The following SLC24A2 variants were observed in gnomAD, a reference collection of about 807,000 sequenced individuals.
SLC24A2 encodes the protein solute carrier family 24 member 2.
In SLC24A2, 36 loss-of-function variants were observed where a neutral mutation model predicts 62.0. The ratio of observed to expected loss-of-function variants is 0.58; its 90% CI spans 0.44 to 0.77. SLC24A2 has a LOEUF of 0.77. Ranked by LOEUF, SLC24A2 falls within the 30% of genes least tolerant of loss-of-function variation. The pLI, the probability that SLC24A2 is intolerant of heterozygous loss-of-function variation, is 0.00. For missense variants in SLC24A2, 846 were observed against 817.9 expected (o/e 1.03, Z -0.42); for synonymous variants, 358 against 294.0 (o/e 1.22, Z -2.23).
chr9:19,627,136 G>C (rs1408975742), intron 2 of SLC24A2, among the ~76,000 whole-genome samples: 2 of 152,194 alleles, frequency 1.3e-5, no homozygotes, highest in African/African-American at 4.8e-5. Flanking sequence ...GAACAATGAA[G>C]TGCTGAAGAT....
chr9:19,515,120 T>G lies in SLC24A2; in HGVS notation c.*1033A>C, dbSNP rs758645594. 3.9e-5 allele frequency: 6 copies of G among 152,140 alleles called. No individual in the cohort carries two copies. The highest frequency in any genetic ancestry group is 1.4e-4 in the African/African-American group (6 of 41,426). The allele number at this position is 152,140 out of a possible 1,614,324, so 9.4% of individuals were successfully genotyped here. A position where few individuals can be genotyped will look rare whatever the true frequency, so the allele number is the denominator to read the frequency against. The stretch of plus-strand genomic sequence containing the variant: ...TCACAGCTAAACTTACCCCTCTTCT[T>G]TTGATGATAATGGGACATGCGCTGG... On this transcript the variant is annotated 3_prime_UTR_variant, in exon 11 of 11. Coordinates refer to ENST00000341998, the MANE Select transcript of SLC24A2 (RefSeq NM_020344.4).
chr9:20,098,770 C>T, the SLC24A2 span, among the ~76,000 whole-genome samples: 15 of 152,230 alleles, frequency 9.9e-5, no homozygotes, highest in South Asian at 1.2e-3. Context: ...AAACACAGGA[C>T]GAAGGGAAAG....
intron 6 of SLC24A2, among the ~76,000 whole-genome samples, chr9:19,575,621 T>C (rs575953084): frequency 1.3e-5 from 2 of 152,368 alleles, no homozygotes; most frequent in East Asian, 3.9e-4. Flanking sequence ...TAACATTTTC[T>C]AGTTCAAAGT....
chr9:19,773,021 G>A (rs1243355619), intron 2 of SLC24A2, among the ~76,000 whole-genome samples: 3 of 152,082 alleles, frequency 2.0e-5, no homozygotes, highest in East Asian at 3.8e-4. Flanking sequence ...CAACATGGAC[G>A]AACCTTAAAA....
At chr9:19,980,471 C>G in the SLC24A2 span, among the ~76,000 whole-genome samples, 2 of 152,126 alleles carry the variant, frequency 1.3e-5, no homozygotes, top group African/African-American at 2.4e-5. Context: ...AGAGTTAGAG[C>G]AAGTGAGAAT....
At chr9:20,186,510 T>C in the SLC24A2 span, among the ~76,000 whole-genome samples, 3 of 152,154 alleles carry the variant, frequency 2.0e-5, no homozygotes, top group East Asian at 3.9e-4. Flanking sequence ...CTCCAACACA[T>C]TGAACTCATC....
At chr9:20,068,208 G>A in the SLC24A2 span, among the ~76,000 whole-genome samples, 12 of 151,628 alleles carry the variant, frequency 7.9e-5, no homozygotes, top group Admixed American at 3.3e-4. Flanking sequence ...GATTACAGGC[G>A]CCCAACACCA....
At chr9:19,525,138 C>A (rs992134445) in intron 9 of SLC24A2, among the ~76,000 whole-genome samples, 1 of 152,016 alleles carries the variant, frequency 6.6e-6, no homozygotes, top group Non-Finnish European at 1.5e-5. Context: ...AGAGAACTTG[C>A]TCAGGAAGCC....
At chr9:20,071,431 A>G in the SLC24A2 span, among the ~76,000 whole-genome samples, 1 of 152,140 alleles carries the variant, frequency 6.6e-6, no homozygotes, top group Non-Finnish European at 1.5e-5. Context: ...ACAACAGTGC[A>G]ATGGTGAGAC....
the SLC24A2 span, among the ~76,000 whole-genome samples, chr9:20,095,706 G>A: frequency 1.3e-5 from 2 of 151,856 alleles, no homozygotes; most frequent in East Asian, 3.9e-4. Context: ...TATGGTATCT[G>A]TATTAGTTCG....
At chr9:19,554,806 A>C (rs1241772176) in intron 7 of SLC24A2, among the ~76,000 whole-genome samples, 2 of 152,130 alleles carry the variant, frequency 1.3e-5, no homozygotes, top group African/African-American at 4.8e-5. Context: ...TGAGGCTCTG[A>C]GTTTCTGACA....
Position 19,508,323 on chromosome 9 carries a change from T to A in SLC24A2, c.*7830A>T, listed in dbSNP as rs1040725285. The A allele has an allele frequency of 1.3e-5, 2 of 152,208 alleles. No homozygotes were observed. The highest frequency in any genetic ancestry group is 4.8e-5 in the African/African-American group (2 of 41,450). The allele number at this position is 152,208 out of a possible 1,614,324, so 9.4% of individuals were successfully genotyped here. ...CACAAAACAGCCTCTAACAGAGGAA[T>A]ATCACTGGCCCTTGGTTCAGATACC... On this transcript the variant is annotated 3_prime_UTR_variant, in exon 11 of 11. Transcript: ENST00000341998.
chr9:19,897,450 A>T, the SLC24A2 span, among the ~76,000 whole-genome samples: 1 of 152,198 alleles, frequency 6.6e-6, no homozygotes, highest in Non-Finnish European at 1.5e-5. Flanking sequence ...AATTTGAGGA[A>T]GCAAACCCAG....
intron 2 of SLC24A2, among the ~76,000 whole-genome samples, chr9:19,653,387 G>A (rs1012173871): frequency 6.6e-6 from 1 of 152,108 alleles, no homozygotes; most frequent in Non-Finnish European, 1.5e-5. Flanking sequence ...TCACATATGT[G>A]TCTTCTTTGG....
intron 5 of SLC24A2, among the ~76,000 whole-genome samples, chr9:19,587,311 T>C (rs1357014622): frequency 6.6e-6 from 1 of 152,214 alleles, no homozygotes; most frequent in Non-Finnish European, 1.5e-5. Context: ...AAGTGGAAGA[T>C]TTTATATTTG....
chr9:19,566,181 C>T (rs1835641495), intron 7 of SLC24A2, among the ~76,000 whole-genome samples: 1 of 150,942 alleles, frequency 6.6e-6, no homozygotes, highest in South Asian at 2.1e-4. Context: ...AACAGGCAAC[C>T]TACAGAATGG....
At chr9:19,740,191 T>C (rs1821631389) in intron 2 of SLC24A2, among the ~76,000 whole-genome samples, 1 of 152,150 alleles carries the variant, frequency 6.6e-6, no homozygotes, top group African/African-American at 2.4e-5. Context: ...AAGTTGAATA[T>C]ATACGTATCC....
chr9:20,034,544 C>A, the SLC24A2 span, among the ~76,000 whole-genome samples: 4 of 142,502 alleles, frequency 2.8e-5, no homozygotes, highest in South Asian at 9.3e-4. Context: ...ACTGCAAGCT[C>A]TGCACCCCCC....
the SLC24A2 span, among the ~76,000 whole-genome samples, chr9:20,237,564 C>T: frequency 2.0e-5 from 3 of 152,206 alleles, no homozygotes; most frequent in Non-Finnish European, 4.4e-5. Flanking sequence ...GTTAGAGAAG[C>T]CCTGAGCACA....
Sources: allele counts gnomAD v4.1 joint callset (sites outside exome capture counted in the v4.1 genomes callset), GRCh38; gene constraint gnomAD v4.1.1; transcripts MANE v1.5; gene names NCBI Gene and HGNC (gene_info 2026-07-23, HGNC 2026-07-21).